The following ESYT3 variants were observed in gnomAD, a reference collection of about 807,000 sequenced individuals.
The protein encoded by ESYT3 is extended synaptotagmin 3.
In ESYT3, 101 loss-of-function variants were observed where a neutral mutation model predicts 111.5. The observed-to-expected ratio is 0.91, with a 90% CI of 0.77 to 1.07. The LOEUF (loss-of-function observed/expected upper bound fraction) is 1.07, where lower values mean the gene tolerates loss of function less well. Ranked by LOEUF, ESYT3 falls within the 50% of genes least tolerant of loss-of-function variation. The pLI, the probability that ESYT3 is intolerant of heterozygous loss-of-function variation, is 0.00. For synonymous variants in ESYT3, 416 were observed against 446.8 expected, an observed-to-expected ratio of 0.93 and a Z score of 0.87; for missense variants, 1,097 against 1,109.4, an observed-to-expected ratio of 0.99 and a Z score of 0.16.
intron 18 of ESYT3, chr3:138,473,222 T>A: frequency 1.1e-6 from 1 of 908,044 alleles, no homozygotes; most frequent in African/African-American, 1.7e-5. Flanking sequence ...TTACCTGATT[T>A]AATTCAACCT....
intron 1 of ESYT3, among the ~76,000 whole-genome samples, chr3:138,439,830 A>G (rs536373225): frequency 3.3e-5 from 5 of 152,156 alleles, no homozygotes; most frequent in African/African-American, 7.2e-5. Flanking sequence ...CATTTTGTCT[A>G]TCTGTGGTTT....
chr3:138,476,767 C>G, intron 22 of ESYT3, 51 bp from the exon 23 acceptor site: 1 of 1,586,068 alleles, frequency 6.3e-7, no homozygotes, highest in Non-Finnish European at 8.7e-7. Flanking sequence ...GTCCTGTTAC[C>G]ACAACACACT....
At chr3:138,476,580 CAAG>C (rs1009837876) in intron 22 of ESYT3, 88 bp downstream of exon 22, 106 of 1,359,678 alleles carry the variant, frequency 7.8e-5, no homozygotes, top group Middle Eastern at 5.0e-4. Flanking sequence ...CTTTGGTTAT[CAAG>C]AAGGGAGGGA....
intron 20 of ESYT3, 62 bp downstream of exon 20, chr3:138,474,414 T>C: frequency 6.6e-7 from 1 of 1,515,196 alleles, no homozygotes; most frequent in Non-Finnish European, 8.8e-7. Flanking sequence ...CAAGTACCTG[T>C]TATGTTGCCT....
chr3:138,456,928 C>A (rs957647839), intron 3 of ESYT3, among the ~76,000 whole-genome samples: 2 of 152,098 alleles, frequency 1.3e-5, no homozygotes, highest in African/African-American at 4.8e-5. Context: ...GATGTCCCAG[C>A]CCTGCAGGAG....
At chr3:138,474,180 G>A (rs935503950) in intron 19 of ESYT3, 41 bp from the exon 20 acceptor site, 3 of 1,578,566 alleles carry the variant, frequency 1.9e-6, no homozygotes, top group Non-Finnish European at 1.7e-6. Flanking sequence ...GAAAACCAGG[G>A]CCCTTTTTTT....
intron 7 of ESYT3, among the ~76,000 whole-genome samples, chr3:138,461,007 G>C (rs901093974): frequency 6.6e-6 from 1 of 152,190 alleles, no homozygotes; most frequent in African/African-American, 2.4e-5. Context: ...GGTCTGAGGG[G>C]AGGCTGTGTG....
At chr3:138,459,487 C>T (rs981572016) in intron 5 of ESYT3, among the ~76,000 whole-genome samples, 2 of 152,202 alleles carry the variant, frequency 1.3e-5, no homozygotes, top group South Asian at 2.1e-4. Flanking sequence ...ACTGCAAAGG[C>T]CCTGGGAGAG....
chr3:138,467,522 C>T, intron 10 of ESYT3, 39 bp from the exon 11 acceptor site: 3 of 1,610,762 alleles, frequency 1.9e-6, no homozygotes, highest in South Asian at 2.2e-5. Context: ...TGCTTTCTTC[C>T]TCTGAGCTGA....
In ESYT3 at chr3:138,459,264, C is replaced by A; in HGVS notation, c.648+11C>A. The A allele has an allele frequency of 6.5e-7, 1 of 1,541,796 alleles. No homozygotes were observed. Among genetic ancestry groups the A allele is most frequent in the South Asian group, 1.2e-5 (1 of 80,116 alleles). On this transcript the variant is annotated intron_variant, in intron 5 of 22. Transcript: ENST00000389567. ...GTGAACGGGATCCAGGTGGGTGGAG[C>A]CCGGTGGGGCTGCCTCTGTTCCAGC...
rs757129050 is a variant in ESYT3 at position 138,460,696 on chromosome 3, T to C, written c.794+30T>C. The stretch of plus-strand genomic sequence containing the variant: ...GTGCCTGGGAGAGCCTCGAGGGAGA[T>C]CATAAGTTTGGGGGCCTCCAGGGCT... On this transcript the variant is annotated intron_variant, in intron 7 of 22. Transcript: ENST00000389567. The C allele has an allele frequency of 4.0e-5, 65 of 1,613,052 alleles. No individual in the cohort carries two copies. In the Middle Eastern group the frequency reaches 4.9e-4, roughly 12 times the overall value.
chr3:138,475,717 C>G (rs1452456802), intron 20 of ESYT3, among the ~76,000 whole-genome samples: 1 of 152,030 alleles, frequency 6.6e-6, no homozygotes, highest in Non-Finnish European at 1.5e-5. Flanking sequence ...TATCTGAGGT[C>G]GGGAGTTTGA....
chr3:138,474,337 C>G lies in ESYT3; in HGVS notation c.2453C>G (p.Pro818Arg), dbSNP rs1354580670. 6.3e-7 allele frequency: 1 copy of G among 1,596,718 alleles called. No individual in the cohort carries two copies. The highest frequency in any genetic ancestry group is 1.2e-5 in the South Asian group (1 of 86,932). The change falls in exon 20 of 23, where the codon CCC becomes CGC. Residue 818 changes from proline (P) to arginine (R), a missense_variant. Transcript: ENST00000389567. ...KTSVKRKTLE[P>R]LFDETFEFFV... ...TCAGTGAAGCGGAAGACCTTGGAAC[C>G]CCTGTTTGATGAGACGTAAGTGGGC...
chr3:138,450,837 C>T (rs894187562), intron 1 of ESYT3, among the ~76,000 whole-genome samples: 2 of 152,204 alleles, frequency 1.3e-5, no homozygotes, highest in African/African-American at 4.8e-5. Context: ...AGTCCCAGAA[C>T]AGTGGCCTTT....
chr3:138,460,667 G>GT lies in ESYT3; in HGVS notation c.794+2dup. 1.2e-6 allele frequency: 2 copies of GT among 1,614,058 alleles called. No homozygotes were observed. The highest frequency in any genetic ancestry group is 1.7e-6 in the Non-Finnish European group (2 of 1,179,918). On this transcript the variant is annotated splice_donor_variant, in intron 7 of 22. Transcript: ENST00000389567. LOFTEE classifies it high-confidence loss of function. ...ACCTGCTGGATGCGCCGGGAATCAAGTAGGTGCCTGGGAGAGCCTCGAGGG... is the reference window on the plus strand; with the variant it reads ...ACCTGCTGGATGCGCCGGGAATCAAGTTAGGTGCCTGGGAGAGCCTCGAGGG...
At chr3:138,436,503 C>T (rs1460915385) in intron 1 of ESYT3, among the ~76,000 whole-genome samples, 2 of 152,240 alleles carry the variant, frequency 1.3e-5, no homozygotes, top group Non-Finnish European at 2.9e-5. Flanking sequence ...CACTTCATAA[C>T]ACTTAATATT....
intron 18 of ESYT3, 77 bp downstream of exon 18, chr3:138,472,936 A>G (rs2033305936): frequency 6.5e-7 from 1 of 1,531,424 alleles, no homozygotes; most frequent in Non-Finnish European, 8.7e-7. Flanking sequence ...AGTAGATATG[A>G]ACTTACATTT....
At chr3:138,454,210 G>A (rs534670829) in intron 2 of ESYT3, among the ~76,000 whole-genome samples, 11 of 152,064 alleles carry the variant, frequency 7.2e-5, no homozygotes, top group Non-Finnish European at 1.5e-4. Context: ...TCATGCCACT[G>A]CACTCCAGCC....
chr3:138,457,172 CT>C (rs2108611078), intron 3 of ESYT3, among the ~76,000 whole-genome samples: 1 of 152,354 alleles, frequency 6.6e-6, no homozygotes, highest in East Asian at 1.9e-4. Context: ...TCATTCACCC[CT>C]GTGAGTATTG....
Sources: allele counts gnomAD v4.1 joint callset (sites outside exome capture counted in the v4.1 genomes callset), GRCh38; gene constraint gnomAD v4.1.1; transcripts MANE v1.5; gene names NCBI Gene and HGNC (gene_info 2026-07-23, HGNC 2026-07-21).